KLF2: variants seen among roughly 807,000 people sequenced by gnomAD.
The protein encoded by KLF2 is KLF transcription factor 2, also known as Krueppel-like factor 2.
A neutral mutation model predicts 22.2 loss-of-function variants in KLF2; 9 were observed. The observed-to-expected ratio is 0.40, with a 90% CI of 0.24 to 0.71. The LOEUF (loss-of-function observed/expected upper bound fraction) is 0.71. Among genes scored for constraint, KLF2 ranks in the 30% least tolerant of loss-of-function variants. The pLI, the probability that KLF2 is intolerant of heterozygous loss-of-function variation, is 0.35. For missense variants in KLF2, 481 were observed against 542.1 expected (o/e 0.89, Z 1.12); for synonymous variants, 299 against 264.2 (o/e 1.13, Z -1.28).
intron 2 of KLF2, among the ~76,000 whole-genome samples, chr19:16,326,547 T>G (rs1207479993): frequency 6.6e-6 from 1 of 151,192 alleles, no homozygotes; most frequent in Admixed American, 6.6e-5. Context: ...GGGGAGGGAG[T>G]GTTCGCTGGG....
Position 16,326,017 on chromosome 19 carries a change from C to G in KLF2, c.877C>G (p.Leu293Val), listed in dbSNP as rs1335883785. The G allele has an allele frequency of 4.9e-5, 76 of 1,551,100 alleles. No homozygotes were observed. Among genetic ancestry groups the G allele is most frequent in the Non-Finnish European group, 6.4e-5 (74 of 1,149,042 alleles). ...CAAGAGTTCGCATCTGAAGGCGCAT[C>G]TGCGCACGCACACAGGTGGGCGGCA... ...YTKSSHLKAH[L>V]RTHTGEKPYH... Residue 293 changes from leucine (L) to valine (V), a missense_variant, in exon 2 of 3, where the codon CTG becomes GTG. Leu to Val is a conservative substitution (Grantham distance 32). Coordinates refer to ENST00000248071, the MANE Select transcript of KLF2 (RefSeq NM_016270.4).
Position 16,325,759 on chromosome 19 carries a change from C to A in KLF2, c.619C>A (p.Pro207Thr), listed in dbSNP as rs2091887725. 4 of 1,254,622 alleles carry A rather than the reference C, an allele frequency of 3.2e-6. No homozygotes were observed. The East Asian group carries it at 1.0e-4, about 32-fold the overall frequency. 77.7% of individuals were successfully genotyped at this position (1,254,622 alleles called of 1,614,324 possible). ...TGGCCCTGGTTTCGGCGCGCCCGGG[C>A]CCGGCCTGCATTACGCGCCGCCTGC... The part of the protein sequence containing the change: ...FGGPGFGAPG[P>T]GLHYAPPAPP... Residue 207 changes from proline to threonine, a missense_variant, in exon 2 of 3, where the codon CCC (proline) becomes ACC (threonine). This residue lies in a region of KLF2 where 421 missense variants were observed against 435.1 expected (regional missense o/e 0.97). Coordinates refer to ENST00000248071, the MANE Select transcript of KLF2 (RefSeq NM_016270.4).
chr19:16,327,045 G>T lies in KLF2; in HGVS notation c.*14G>T. On this transcript the variant is annotated 3_prime_UTR_variant, in exon 3 of 3. Coordinates refer to ENST00000248071, the MANE Select transcript of KLF2 (RefSeq NM_016270.4). ...CGGCACATGTAGCCGGGACGCCCCC[G>T]CCCACCTGCGCGCGGCCGTGGCGGG... 6.4e-7 allele frequency: 1 copy of T among 1,554,842 alleles called. No individual in the cohort carries two copies. The highest frequency in any genetic ancestry group is 8.7e-7 in the Non-Finnish European group (1 of 1,148,426).
chr19:16,325,340 C>A lies in KLF2; in HGVS notation c.200C>A (p.Pro67Gln). 1 of 1,466,838 alleles carries A rather than the reference C, an allele frequency of 6.8e-7. No homozygotes were observed. The allele number at this position is 1,466,838 out of a possible 1,614,324, so 90.9% of individuals were successfully genotyped here. Residue 67 changes from proline to glutamine, a missense_variant, in exon 2 of 3, where the codon CCG (proline) becomes CAG (glutamine). By Grantham distance (76) the Pro-to-Gln change is moderately conservative. Transcript: ENST00000248071. ...GAEAAPEPPP[P>Q]PPPPAFYYPE... ...GAGGCCGCCCCGGAGCCGCCGCCGC[C>A]GCCCCCGCCGCCTGCGTTCTATTAC...
chr19:16,325,919 G>A lies in KLF2; in HGVS notation c.779G>A (p.Gly260Asp). 1 of 1,520,698 alleles carries A rather than the reference G, an allele frequency of 6.6e-7. No homozygotes were observed. The highest frequency in any genetic ancestry group is 8.8e-7 in the Non-Finnish European group (1 of 1,137,574). 94.2% of individuals were successfully genotyped at this position (1,520,698 alleles called of 1,614,324 possible). A position where few individuals can be genotyped will look rare whatever the true frequency, so the allele number is the denominator to read the frequency against. The change falls in exon 2 of 3, where the codon GGC becomes GAC. Residue 260 changes from glycine to aspartate, a missense_variant. Gly to Asp is a moderately conservative substitution (Grantham distance 94). Transcript: ENST00000248071. ...LELLEAKPKR[G>D]RRSWPRKRTA... ...CTGCTGGAGGCCAAGCCAAAGCGCG[G>A]CCGCCGCTCTTGGCCCCGCAAACGC...
intron 1 of KLF2, 89 bp downstream of exon 1, chr19:16,325,087 A>T: frequency 7.4e-7 from 1 of 1,352,056 alleles, no homozygotes. Context: ...ACAGGACGCG[A>T]AGGCGGGGAC....
Position 16,325,925 on chromosome 19 carries a change from G to C in KLF2, c.785G>C (p.Arg262Pro), listed in dbSNP as rs2091888489. 6.6e-7 allele frequency: 1 copy of C among 1,524,374 alleles called. No homozygotes were observed. The highest frequency in any genetic ancestry group is 1.4e-5 in the African/African-American group (1 of 70,388). The allele number at this position is 1,524,374 out of a possible 1,614,324, so 94.4% of individuals were successfully genotyped here. A position where few individuals can be genotyped will look rare whatever the true frequency, so the allele number is the denominator to read the frequency against. Reference protein sequence around the residue: ...LLEAKPKRGRRSWPRKRTATH... With the variant: ...LLEAKPKRGRPSWPRKRTATH... The stretch of plus-strand genomic sequence containing the variant: ...GAGGCCAAGCCAAAGCGCGGCCGCC[G>C]CTCTTGGCCCCGCAAACGCACCGCC... Residue 262 changes from arginine to proline, a missense_variant, in exon 2 of 3, where the codon CGC becomes CCC. Coordinates refer to ENST00000248071, the MANE Select transcript of KLF2 (RefSeq NM_016270.4).
chr19:16,327,737 G>A lies in KLF2; in HGVS notation c.*706G>A, dbSNP rs2091894485. ...TGTAAATTTAGACACTGCATTTTAG[G>A]ACTGAGGGAGGGTTATTTTAAGGTT... On this transcript the variant is annotated 3_prime_UTR_variant, in exon 3 of 3. Coordinates refer to ENST00000248071, the MANE Select transcript of KLF2 (RefSeq NM_016270.4). 6.6e-6 allele frequency: 1 copy of A among 151,974 alleles called. No individual in the cohort carries two copies. Among genetic ancestry groups the A allele is most frequent in the Non-Finnish European group, 1.5e-5 (1 of 67,992 alleles). 9.4% of individuals were successfully genotyped at this position (151,974 alleles called of 1,614,324 possible). A position where few individuals can be genotyped will look rare whatever the true frequency, so the allele number is the denominator to read the frequency against.
chr19:16,328,169 C>T lies in KLF2; in HGVS notation c.*1138C>T, dbSNP rs764743508. The stretch of plus-strand genomic sequence containing the variant: ...CTGCTCTGTCTGCCTCCAAGGGTCC[C>T]TGAACCCCACTGGAAGGGAGTGGTA... On this transcript the variant is annotated 3_prime_UTR_variant, in exon 3 of 3. Transcript: ENST00000248071. 7.2e-5 allele frequency among the ~76,000 whole-genome samples: 11 copies of T among 152,080 alleles called. No individual in the cohort carries two copies. Among genetic ancestry groups the T allele is most frequent in the Non-Finnish European group, 1.5e-4 (10 of 68,006 alleles).
chr19:16,325,355 C>A lies in KLF2; in HGVS notation c.215C>A (p.Ala72Glu). The A allele has an allele frequency of 6.8e-7, 1 of 1,463,768 alleles. No individual in the cohort carries two copies. Among genetic ancestry groups the A allele is most frequent in the Non-Finnish European group, 9.0e-7 (1 of 1,116,824 alleles). The allele number at this position is 1,463,768 out of a possible 1,614,324, so 90.7% of individuals were successfully genotyped here. A position where few individuals can be genotyped will look rare whatever the true frequency, so the allele number is the denominator to read the frequency against. ...PEPPPPPPPP[A>E]FYYPEPGAPP... ...CCGCCGCCGCCGCCCCCGCCGCCTG[C>A]GTTCTATTACCCCGAACCCGGCGCG... The change falls in exon 2 of 3, where the codon GCG (alanine) becomes GAG (glutamate). Residue 72 changes from alanine (A) to glutamate (E), a missense_variant. Physicochemically the swap from Ala to Glu is moderately radical, Grantham distance 107. Around this residue, in one of 2 missense-constraint regions of KLF2, gnomAD observed 421 missense variants for 435.1 expected, o/e 0.97. Coordinates refer to ENST00000248071, the MANE Select transcript of KLF2 (RefSeq NM_016270.4).
Position 16,324,959 on chromosome 19 carries a change from C to T in KLF2, c.36C>T (p.Ser12=), listed in dbSNP as rs1285709525. ...GTGAACCCATCCTGCCGTCCTTCTCCACTTTCGCCAGCCCGTGCCGCGAGC... is the reference window on the plus strand; with the variant it reads ...GTGAACCCATCCTGCCGTCCTTCTCTACTTTCGCCAGCCCGTGCCGCGAGC... ...ALSEPILPSF[S]TFASPCRERG... The change falls in exon 1 of 3, where the codon TCC becomes TCT. Residue 12 remains serine, a synonymous_variant. Transcript: ENST00000248071. 1 of 1,603,556 alleles carries T rather than the reference C, an allele frequency of 6.2e-7. No individual in the cohort carries two copies. The highest frequency in any genetic ancestry group is 8.5e-7 in the Non-Finnish European group (1 of 1,175,992).
Position 16,326,943 on chromosome 19 carries a change from C to T in KLF2, c.980C>T (p.Thr327Met). Reference sequence around the variant, plus strand: ...CTCACGCGCCACTACCGAAAGCACACGGGCCACCGGCCATTCCAGTGCCAT... The same window carrying T: ...CTCACGCGCCACTACCGAAAGCACATGGGCCACCGGCCATTCCAGTGCCAT... ...DELTRHYRKH[T>M]GHRPFQCHLC... The change falls in exon 3 of 3, where the codon ACG becomes ATG. Residue 327 changes from threonine (T) to methionine (M), a missense_variant. This residue lies in a region of KLF2 where 60 missense variants were observed against 107.0 expected (regional missense o/e 0.56). Coordinates refer to ENST00000248071, the MANE Select transcript of KLF2 (RefSeq NM_016270.4). The T allele has an allele frequency of 2.5e-6, 4 of 1,613,480 alleles. No homozygotes were observed. The highest frequency in any genetic ancestry group is 3.4e-6 in the Non-Finnish European group (4 of 1,179,948).
chr19:16,326,391 G>A (rs974592200), intron 2 of KLF2, among the ~76,000 whole-genome samples: 45 of 152,040 alleles, frequency 3.0e-4, no homozygotes, highest in Non-Finnish European at 5.9e-4. Context: ...GAGCCGCTGG[G>A]CACTTGGCTC....
chr19:16,326,850 C>G lies in KLF2; in HGVS notation c.893-6C>G, dbSNP rs764416555. On this transcript the variant is annotated splice_region_variant and splice_polypyrimidine_tract_variant and intron_variant, in intron 2 of 2. Transcript: ENST00000248071. ...ACTGACGCTTACTCTCGCCCCCTCC[C>G]TGCAGGTGAGAAGCCCTACCACTGC... 3 of 1,607,054 alleles carry G rather than the reference C, an allele frequency of 1.9e-6. No homozygotes were observed. Among genetic ancestry groups the G allele is most frequent in the Non-Finnish European group, 2.5e-6 (3 of 1,177,338 alleles).
intron 2 of KLF2, 55 bp downstream of exon 2, chr19:16,326,087 C>G: frequency 6.7e-7 from 1 of 1,492,896 alleles, no homozygotes; most frequent in Non-Finnish European, 9.0e-7. Context: ...GAGGAGAGGT[C>G]GGATTCCCAG....
At position 16,327,665 on chromosome 19, in the gene KLF2, G is replaced by C. The variant is rs189020404; in HGVS notation, c.*634G>C. 1 of 152,194 alleles carries C rather than the reference G, an allele frequency of 6.6e-6. No individual in the cohort carries two copies. Among genetic ancestry groups the C allele is most frequent in the Admixed American group, 6.6e-5 (1 of 15,264 alleles). 9.4% of individuals were successfully genotyped at this position (152,194 alleles called of 1,614,324 possible). A position where few individuals can be genotyped will look rare whatever the true frequency, so the allele number is the denominator to read the frequency against. Reference sequence around the variant, plus strand: ...GTGGGTCCTGCGTCTGCCAGCACCGGGACTGCCAGCTGCTGTGCCTGCCTG... The same window carrying C: ...GTGGGTCCTGCGTCTGCCAGCACCGCGACTGCCAGCTGCTGTGCCTGCCTG... On this transcript the variant is annotated 3_prime_UTR_variant, in exon 3 of 3. Coordinates refer to ENST00000248071, the MANE Select transcript of KLF2 (RefSeq NM_016270.4).
rs1419013261 is a variant in KLF2 at position 16,324,937 on chromosome 19, A to T, written c.14A>T (p.Glu5Val). Reference protein sequence around the residue: MALSEPILPSFSTFA... With the variant: MALSVPILPSFSTFA... ...CGGGTCCCGGCCATGGCGCTGAGTGAACCCATCCTGCCGTCCTTCTCCACT... is the reference window on the plus strand; with the variant it reads ...CGGGTCCCGGCCATGGCGCTGAGTGTACCCATCCTGCCGTCCTTCTCCACT... The change falls in exon 1 of 3, where the codon GAA becomes GTA. Residue 5 changes from glutamate to valine, a missense_variant. By Grantham distance (121) the Glu-to-Val change is moderately radical. Coordinates refer to ENST00000248071, the MANE Select transcript of KLF2 (RefSeq NM_016270.4). 6.2e-7 allele frequency: 1 copy of T among 1,601,548 alleles called. No homozygotes were observed. The highest frequency in any genetic ancestry group is 2.3e-5 in the East Asian group (1 of 43,742).
In KLF2 at chr19:16,327,190, C is replaced by T; in HGVS notation, c.*159C>T. 1.5e-6 allele frequency: 1 copy of T among 645,846 alleles called. No individual in the cohort carries two copies. Among genetic ancestry groups the T allele is most frequent in the Non-Finnish European group, 2.5e-6 (1 of 392,250 alleles). 40.0% of individuals were successfully genotyped at this position (645,846 alleles called of 1,614,324 possible). A position where few individuals can be genotyped will look rare whatever the true frequency, so the allele number is the denominator to read the frequency against. On this transcript the variant is annotated 3_prime_UTR_variant, in exon 3 of 3. Coordinates refer to ENST00000248071, the MANE Select transcript of KLF2 (RefSeq NM_016270.4). Reference sequence around the variant, plus strand: ...CCCTCGATGACGACGACGACGACGCCACCACCCCAGCCCCCGTCTGTGACT... The same window carrying T: ...CCCTCGATGACGACGACGACGACGCTACCACCCCAGCCCCCGTCTGTGACT...
Position 16,325,576 on chromosome 19 carries a change from G to A in KLF2, c.436G>A (p.Gly146Ser), listed in dbSNP as rs925532181. Residue 146 changes from glycine to serine, a missense_variant, in exon 2 of 3, where the codon GGC (glycine) becomes AGC (serine). By Grantham distance (56) the Gly-to-Ser change is moderately conservative (BLOSUM62 0). Coordinates refer to ENST00000248071, the MANE Select transcript of KLF2 (RefSeq NM_016270.4). ...CAPGLTRGPR[G>S]LKREGAPGPA... ...CCCCGGGCTGACCCGTGGACCGCGCGGCCTCAAGCGCGAGGGCGCCCCGGG... is the reference window on the plus strand; with the variant it reads ...CCCCGGGCTGACCCGTGGACCGCGCAGCCTCAAGCGCGAGGGCGCCCCGGG... 4.5e-5 allele frequency: 52 copies of A among 1,161,226 alleles called. 1 individual carries two copies. In the African/African-American group the frequency reaches 7.8e-4, roughly 18 times the overall value. The allele number at this position is 1,161,226 out of a possible 1,614,324, so 71.9% of individuals were successfully genotyped here.
Sources: gnomAD v4.1 joint callset for allele counts (sites outside exome capture counted in the v4.1 genomes callset) on GRCh38, gnomAD v4.1.1 for gene constraint, gnomAD v4.1.1 regional missense constraint, MANE v1.5 for transcripts, NCBI Gene and HGNC (gene_info 2026-07-23, HGNC 2026-07-21) for gene names.